Variants in CES1 observed in about 807,000 individuals in gnomAD.
CES1 encodes the protein carboxylesterase 1.
In CES1, 50 loss-of-function variants were observed where a neutral mutation model predicts 53.0. The ratio of observed to expected loss-of-function variants is 0.94; its 90% CI spans 0.75 to 1.19. The LOEUF (loss-of-function observed/expected upper bound fraction) is 1.19. Among genes scored for constraint, CES1 ranks in the 50% most tolerant of loss-of-function variants. The pLI is 0.00. For synonymous variants in CES1, 202 were observed against 210.1 expected, an observed-to-expected ratio of 0.96 and a Z score of 0.33; for missense variants, 534 against 538.0, an observed-to-expected ratio of 0.99 and a Z score of 0.07.
intron 1 of CES1, among the ~76,000 whole-genome samples, chr16:55,831,057 C>T (rs1380785705): frequency 6.6e-6 from 1 of 151,958 alleles, no homozygotes; most frequent in African/African-American, 2.4e-5. Flanking sequence ...TGGAAGGAAG[C>T]CTGGTGAGGG....
At chr16:55,825,965 G>C (rs1191855642) in intron 3 of CES1, among the ~76,000 whole-genome samples, 186 bp downstream of exon 3, 4 of 152,228 alleles carry the variant, frequency 2.6e-5, no homozygotes, top group African/African-American at 4.8e-5. Context: ...CCCCCAGAGT[G>C]CCTATGTCAC....
intron 8 of CES1, 146 bp from the exon 9 acceptor site, chr16:55,813,189 G>A: frequency 8.9e-7 from 1 of 1,125,238 alleles, no homozygotes; most frequent in South Asian, 1.3e-5. Flanking sequence ...TAACTTAGGG[G>A]GGTAGGTCTC....
chr16:55,821,413 C>A lies in CES1; in HGVS notation c.648G>T (p.Val216=). The stretch of plus-strand genomic sequence containing the variant: ...CTCCCGCTGACTCTCCAAAGATGGT[C>A]ACAGAGCCTGGGTTCCCTCCAAAGC... ...IASFGGNPGS[V]TIFGESAGGE... The change falls in exon 5 of 14, where the codon GTG becomes GTT. Residue 216 remains valine (V), a synonymous_variant. Coordinates refer to ENST00000360526, the MANE Select transcript of CES1 (RefSeq NM_001025195.2). The A allele has an allele frequency of 6.2e-7, 1 of 1,614,202 alleles. No homozygotes were observed. The highest frequency in any genetic ancestry group is 8.5e-7 in the Non-Finnish European group (1 of 1,180,050).
At chr16:55,826,416 C>A in intron 2 of CES1, 121 bp from the exon 3 acceptor site, 2 of 1,274,668 alleles carry the variant, frequency 1.6e-6, no homozygotes, top group Non-Finnish European at 2.3e-6. Context: ...TACAGACTCA[C>A]GACATTGTAG....
Position 55,821,534 on chromosome 16 carries a change from G to C in CES1, c.540-13C>G. 6.2e-7 allele frequency: 1 copy of C among 1,614,182 alleles called. No homozygotes were observed. Among genetic ancestry groups the C allele is most frequent in the African/African-American group, 1.3e-5 (1 of 75,036 alleles). ...TTCATCCCCTGTGCTGTGAGGAAGAGAACAGGTTGAGGGTGGGGAGCAGAG... is the reference window on the plus strand; with the variant it reads ...TTCATCCCCTGTGCTGTGAGGAAGACAACAGGTTGAGGGTGGGGAGCAGAG... On this transcript the variant is annotated splice_polypyrimidine_tract_variant and intron_variant, in intron 4 of 13. Coordinates refer to ENST00000360526, the MANE Select transcript of CES1 (RefSeq NM_001025195.2).
chr16:55,811,210 CA>C (rs147594975), intron 9 of CES1, among the ~76,000 whole-genome samples, 200 bp from the exon 10 acceptor site: 21 of 139,308 alleles, frequency 1.5e-4, no homozygotes, highest in East Asian at 4.1e-4. Context: ...GCAAAGTTTA[CA>C]AAAAAAAAAA....
intron 9 of CES1, among the ~76,000 whole-genome samples, chr16:55,811,389 G>A (rs1450402591): frequency 1.3e-5 from 2 of 152,076 alleles, no homozygotes; most frequent in Non-Finnish European, 2.9e-5. Flanking sequence ...GGAAGAGGAT[G>A]TAGACCTCCC....
chr16:55,813,238 T>A (rs1182170023), intron 8 of CES1, among the ~76,000 whole-genome samples, 195 bp from the exon 9 acceptor site: 1 of 152,224 alleles, frequency 6.6e-6, no homozygotes, highest in Non-Finnish European at 1.5e-5. Context: ...AGGCTGACAC[T>A]GCTCAGGTGA....
intron 11 of CES1, 100 bp downstream of exon 11, chr16:55,810,417 C>A (rs1395324685): frequency 6.7e-7 from 1 of 1,487,582 alleles, no homozygotes; most frequent in African/African-American, 1.4e-5. Context: ...TGAGGCCTGA[C>A]CCTCAGCTGT....
intron 8 of CES1, among the ~76,000 whole-genome samples, chr16:55,815,321 G>A (rs1410288619): frequency 2.9e-4 from 44 of 152,322 alleles, no homozygotes; most frequent in African/African-American, 1.0e-3. Flanking sequence ...AGGCTTTTAA[G>A]AAGTGGGGGT....
Position 55,830,819 on chromosome 16 carries a change from AAGGCAGGC to A in CES1, c.53-1853_53-1846del, listed in dbSNP as rs57294788. Among the ~76,000 whole-genome samples, 43 of 127,350 alleles carry A rather than the reference AAGGCAGGC, an allele frequency of 3.4e-4. 1 individual carries two copies. Among genetic ancestry groups the A allele is most frequent in the Admixed American group, 1.7e-3 (22 of 12,986 alleles). 83.5% of individuals were successfully genotyped at this position (127,350 alleles called of 152,430 possible). ...GAAGGAAGGAAGGAAGGAAGGAAGG[AAGGCAGGC>A]AGGCAGGCAGGCAGGCAGGCAAGTG... On this transcript the variant is annotated intron_variant, in intron 1 of 13. Transcript: ENST00000360526.
At chr16:55,826,080 C>T in intron 3 of CES1, 71 bp downstream of exon 3, 2 of 1,601,934 alleles carry the variant, frequency 1.2e-6, no homozygotes, top group Non-Finnish European at 1.7e-6. Flanking sequence ...CCTTCACTCC[C>T]TTCCATTCTG....
intron 1 of CES1, 58 bp from the exon 2 acceptor site, chr16:55,829,032 A>G (rs2032536761): frequency 1.9e-6 from 3 of 1,549,354 alleles, no homozygotes; most frequent in Non-Finnish European, 2.6e-6. Context: ...CCCAGATTCC[A>G]GGTGGAGTTT....
intron 8 of CES1, among the ~76,000 whole-genome samples, chr16:55,816,161 GC>G (rs2031935618): frequency 6.6e-6 from 1 of 152,288 alleles, no homozygotes; most frequent in South Asian, 2.1e-4. Context: ...CCCTAATGCT[GC>G]ACACCATCAA....
At chr16:55,830,773 AGAAGGAAGGAAG>A (rs1200351837) in intron 1 of CES1, among the ~76,000 whole-genome samples, 224 of 76,970 alleles carry the variant, frequency 2.9e-3, no homozygotes, top group Non-Finnish European at 4.5e-3. Flanking sequence ...AAGGAAGGAA[AGAAGGAAGGAAG>A]GAAGGAAGGA....
At chr16:55,828,471 A>G (rs1279301089) in intron 2 of CES1, among the ~76,000 whole-genome samples, 1 of 152,156 alleles carries the variant, frequency 6.6e-6, no homozygotes, top group Non-Finnish European at 1.5e-5. Context: ...AGTAATTTGC[A>G]TATTGTTCTT....
intron 2 of CES1, among the ~76,000 whole-genome samples, chr16:55,827,712 C>G (rs1346976258): frequency 6.6e-6 from 1 of 152,202 alleles, no homozygotes; most frequent in Non-Finnish European, 1.5e-5. Flanking sequence ...TGTAATGCAG[C>G]TTTTAATACC....
At chr16:55,808,841 A>G (rs1394861232) in intron 11 of CES1, among the ~76,000 whole-genome samples, 1 of 152,160 alleles carries the variant, frequency 6.6e-6, no homozygotes, top group African/African-American at 2.4e-5. Context: ...TGTTCTATGA[A>G]CAAAAGTAAA....
intron 6 of CES1, chr16:55,820,022 A>T: frequency 1.8e-6 from 1 of 550,476 alleles, no homozygotes; most frequent in Non-Finnish European, 3.3e-6. Flanking sequence ...GAGAGACACA[A>T]GACACCATCA....
Sources: gnomAD v4.1 joint callset for allele counts (sites outside exome capture counted in the v4.1 genomes callset) on GRCh38, gnomAD v4.1.1 for gene constraint, MANE v1.5 for transcripts, NCBI Gene and HGNC (gene_info 2026-07-23, HGNC 2026-07-21) for gene names.